CAMK1D: variants seen among roughly 807,000 people sequenced by gnomAD.
CAMK1D encodes the protein calcium/calmodulin dependent protein kinase ID.
Under a neutral mutation model 47.7 loss-of-function variants are expected in CAMK1D, and 9 were observed. The ratio of observed to expected loss-of-function variants is 0.19; its 90% CI spans 0.11 to 0.33. CAMK1D has a LOEUF of 0.33. Ranked by LOEUF, CAMK1D falls within the 10% of genes least tolerant of loss-of-function variation. The pLI, the probability that CAMK1D is intolerant of heterozygous loss-of-function variation, is 1.00. For synonymous variants in CAMK1D, 184 were observed against 184.9 expected (o/e 0.99, Z 0.04); for missense variants, 291 against 488.7 (o/e 0.60, Z 3.81).
intron 1 of CAMK1D, among the ~76,000 whole-genome samples, chr10:12,532,907 C>T (rs1323196685): frequency 4.6e-5 from 6 of 129,580 alleles, no homozygotes; most frequent in African/African-American, 6.1e-5. Flanking sequence ...GTCGAACTCA[C>T]GGAGATAGAG....
At chr10:12,708,536 C>T (rs904566719) in intron 3 of CAMK1D, among the ~76,000 whole-genome samples, 2 of 152,110 alleles carry the variant, frequency 1.3e-5, no homozygotes, top group Non-Finnish European at 2.9e-5. Flanking sequence ...CATTAAGCTC[C>T]ATAATATACT....
intron 1 of CAMK1D, among the ~76,000 whole-genome samples, chr10:12,532,160 A>G (rs891173159): frequency 6.6e-6 from 1 of 152,216 alleles, no homozygotes; most frequent in Non-Finnish European, 1.5e-5. Context: ...AGAAAAATTT[A>G]TAATTGGAAA....
In CAMK1D at chr10:12,379,928, T is replaced by G. The variant is rs115069313; in HGVS notation, c.92+30018T>G. On this transcript the variant is annotated intron_variant, in intron 1 of 10. Coordinates refer to ENST00000619168, the MANE Select transcript of CAMK1D (RefSeq NM_153498.4). ...GGGAGGACTTTTAAAAAAAAGGGTGTTGTTGGCCGGGCGCGGTGGCTCACG... is the reference window on the plus strand; with the variant it reads ...GGGAGGACTTTTAAAAAAAAGGGTGGTGTTGGCCGGGCGCGGTGGCTCACG... Among the ~76,000 whole-genome samples, 801 of 152,050 alleles carry G rather than the reference T, an allele frequency of 5.3e-3. 10 individuals are homozygous for G. The highest frequency in any genetic ancestry group is 0.018 in the African/African-American group (756 of 41,468).
chr10:12,606,927 A>C (rs1183093640), intron 2 of CAMK1D, among the ~76,000 whole-genome samples: 1 of 151,936 alleles, frequency 6.6e-6, no homozygotes. Flanking sequence ...TCCTGGGTTC[A>C]AGTGATTCTC....
At chr10:12,817,316 A>G (rs1351788116) in intron 8 of CAMK1D, among the ~76,000 whole-genome samples, 1 of 152,244 alleles carries the variant, frequency 6.6e-6, no homozygotes. Context: ...TCGGAATTTT[A>G]TTCCTTGAGT....
chr10:12,430,558 C>T (rs1442600681), intron 1 of CAMK1D, among the ~76,000 whole-genome samples: 3 of 152,160 alleles, frequency 2.0e-5, no homozygotes, highest in African/African-American at 4.8e-5. Flanking sequence ...AGTCTGAGAA[C>T]GAGGCAGTAC....
At chr10:12,484,718 GAGCCT>G (rs1834160606) in intron 1 of CAMK1D, among the ~76,000 whole-genome samples, 1 of 152,064 alleles carries the variant, frequency 6.6e-6, no homozygotes, top group Non-Finnish European at 1.5e-5. Flanking sequence ...TCGTGGAGGA[GAGCCT>G]AGCTTGTGGC....
intron 1 of CAMK1D, among the ~76,000 whole-genome samples, chr10:12,449,943 A>G (rs975229532): frequency 2.6e-5 from 4 of 152,164 alleles, no homozygotes; most frequent in Non-Finnish European, 5.9e-5. Flanking sequence ...GGTTGCAGTG[A>G]GCCGAGATTA....
intron 2 of CAMK1D, among the ~76,000 whole-genome samples, chr10:12,591,451 T>TGGG (rs935114692): frequency 1.3e-5 from 2 of 152,244 alleles, no homozygotes; most frequent in African/African-American, 4.8e-5. Context: ...GAGCTTTCCC[T>TGGG]TCTTCCACTA....
intron 2 of CAMK1D, among the ~76,000 whole-genome samples, chr10:12,564,060 AGTCTGTCT>A (rs145084739): frequency 1.9e-4 from 29 of 150,856 alleles, no homozygotes; most frequent in Middle Eastern, 3.4e-3. Flanking sequence ...TTTGAAGAGC[AGTCTGTCT>A]GTCTATCTAT....
intron 3 of CAMK1D, among the ~76,000 whole-genome samples, chr10:12,703,674 G>A (rs549131927): frequency 7.9e-5 from 12 of 152,266 alleles, no homozygotes; most frequent in African/African-American, 2.9e-4. Context: ...TTCGAGACCA[G>A]CCTGGCCAAT....
At chr10:12,590,342 C>T (rs1039945745) in intron 2 of CAMK1D, among the ~76,000 whole-genome samples, 5 of 152,122 alleles carry the variant, frequency 3.3e-5, no homozygotes, top group African/African-American at 7.2e-5. Flanking sequence ...CTCAGCCTTC[C>T]GAGTAGCTCG....
chr10:12,448,249 TC>T (rs1311313953), intron 1 of CAMK1D, among the ~76,000 whole-genome samples: 1 of 152,190 alleles, frequency 6.6e-6, no homozygotes, highest in African/African-American at 2.4e-5. Flanking sequence ...GATCTTGAAC[TC>T]CTGGCCTCAA....
At chr10:12,591,803 C>G (rs973918158) in intron 2 of CAMK1D, among the ~76,000 whole-genome samples, 21 of 152,232 alleles carry the variant, frequency 1.4e-4, no homozygotes, top group Non-Finnish European at 2.1e-4. Context: ...TAGTGATTCT[C>G]CTGCCTCAGC....
chr10:12,659,333 A>G (rs1331423596), intron 2 of CAMK1D, among the ~76,000 whole-genome samples: 1 of 152,206 alleles, frequency 6.6e-6, no homozygotes, highest in Non-Finnish European at 1.5e-5. Context: ...GACAGCACGG[A>G]AAATGGATAG....
At chr10:12,592,489 G>A (rs73572250) in intron 2 of CAMK1D, among the ~76,000 whole-genome samples, 3,379 of 152,210 alleles carry the variant, frequency 0.022, 143 homozygotes, top group African/African-American at 0.077. Flanking sequence ...CATGGCCAGC[G>A]TGGTATTTAG....
chr10:12,828,896 G>A lies in CAMK1D; in HGVS notation c.*9G>A, dbSNP rs1833358109. The A allele has an allele frequency of 1.3e-6, 2 of 1,599,936 alleles. No individual in the cohort carries two copies. Among genetic ancestry groups the A allele is most frequent in the Non-Finnish European group, 8.5e-7 (1 of 1,173,046 alleles). On this transcript the variant is annotated 3_prime_UTR_variant, in exon 11 of 11. Coordinates refer to ENST00000619168, the MANE Select transcript of CAMK1D (RefSeq NM_153498.4). ...ACTCTGGAAGCAAGTGACTGGCCCTGGAGGTGGGGCCCGGGGTCGGGGCTG... is the reference window on the plus strand; with the variant it reads ...ACTCTGGAAGCAAGTGACTGGCCCTAGAGGTGGGGCCCGGGGTCGGGGCTG...
chr10:12,615,974 ATG>A (rs148702451), intron 2 of CAMK1D, among the ~76,000 whole-genome samples: 4,503 of 150,080 alleles, frequency 0.03, 112 homozygotes, highest in South Asian at 0.11. Context: ...GTATGTGTGC[ATG>A]TGTGTTGTGT....
intron 2 of CAMK1D, among the ~76,000 whole-genome samples, chr10:12,651,293 A>C (rs748643890): frequency 1.3e-5 from 2 of 152,258 alleles, no homozygotes; most frequent in Non-Finnish European, 2.9e-5. Flanking sequence ...GAAGGTGGCC[A>C]GACATTTATG....
Sources: allele counts gnomAD v4.1 joint callset (sites outside exome capture counted in the v4.1 genomes callset), GRCh38; gene constraint gnomAD v4.1.1; transcripts MANE v1.5; gene names NCBI Gene and HGNC (gene_info 2026-07-23, HGNC 2026-07-21).